Variants in SHCBP1 observed in about 807,000 individuals in gnomAD.
SHCBP1 encodes SHC SH2 domain-binding protein 1.
SHCBP1 carries 60 observed loss-of-function variants against 75.1 expected under a neutral mutation model. The ratio of observed to expected loss-of-function variants is 0.80; its 90% CI spans 0.65 to 0.99. SHCBP1 has a LOEUF of 0.99. Ranked by LOEUF, SHCBP1 falls within the 50% of genes least tolerant of loss-of-function variation. The probability of loss-of-function intolerance (pLI) is 0.00; values close to 1 mark genes in which losing one functional copy is unlikely to be tolerated. For synonymous variants in SHCBP1, 290 were observed against 293.2 expected, an observed-to-expected ratio of 0.99 and a Z score of 0.11; for missense variants, 709 against 809.4, an observed-to-expected ratio of 0.88 and a Z score of 1.50.
intron 4 of SHCBP1, among the ~76,000 whole-genome samples, chr16:46,610,985 G>A (rs969901725): frequency 2.0e-5 from 3 of 152,180 alleles, no homozygotes; most frequent in Non-Finnish European, 2.9e-5. Flanking sequence ...TCAAGAAGCA[G>A]GAAGAGCAGA....
chr16:46,601,343 A>G (rs1298583242), intron 8 of SHCBP1, among the ~76,000 whole-genome samples: 2 of 152,312 alleles, frequency 1.3e-5, no homozygotes, highest in East Asian at 1.9e-4. Context: ...TCAGATCTGT[A>G]TAAATCTTAC....
chr16:46,621,086 G>A (rs1282047463), intron 1 of SHCBP1, among the ~76,000 whole-genome samples, 171 bp downstream of exon 1: 1 of 152,208 alleles, frequency 6.6e-6, no homozygotes, highest in South Asian at 2.1e-4. Flanking sequence ...CCCACCCCTG[G>A]GTACCGCCCG....
intron 4 of SHCBP1, among the ~76,000 whole-genome samples, chr16:46,611,376 C>G (rs1965413811): frequency 6.6e-6 from 1 of 152,206 alleles, no homozygotes; most frequent in Admixed American, 6.5e-5. Context: ...GCTCAGTGAG[C>G]CCACTATGTT....
At chr16:46,584,217 A>G (rs1964918990) in intron 10 of SHCBP1, 128 bp from the exon 11 acceptor site, 1 of 570,882 alleles carries the variant, frequency 1.8e-6, no homozygotes, top group South Asian at 3.6e-5. Context: ...TACTTTACAG[A>G]TAAGTTTTAC....
At chr16:46,601,221 A>G (rs1253410038) in intron 8 of SHCBP1, among the ~76,000 whole-genome samples, 2 of 152,184 alleles carry the variant, frequency 1.3e-5, no homozygotes, top group East Asian at 3.9e-4. Context: ...AGCCAGGAGA[A>G]TCGCTTGAAC....
chr16:46,589,475 G>A (rs924708697), intron 10 of SHCBP1, among the ~76,000 whole-genome samples: 1 of 152,164 alleles, frequency 6.6e-6, no homozygotes, highest in Non-Finnish European at 1.5e-5. Context: ...CTTCAGCAAA[G>A]TCTCAGGATA....
intron 4 of SHCBP1, among the ~76,000 whole-genome samples, chr16:46,608,898 C>A (rs1371752204): frequency 6.6e-6 from 1 of 152,036 alleles, no homozygotes; most frequent in Non-Finnish European, 1.5e-5. Flanking sequence ...CGCGCCCAGC[C>A]AGGACTTTCT....
In SHCBP1 at chr16:46,616,443, TGAG is replaced by T. The variant is rs1231269529; in HGVS notation, c.388-292_388-290del. On this transcript the variant is annotated intron_variant, in intron 3 of 12. Coordinates refer to ENST00000303383, the MANE Select transcript of SHCBP1 (RefSeq NM_024745.5). The surrounding 1 kb of genome is among the most constrained non-coding windows in gnomAD (Gnocchi z 4.4). The stretch of plus-strand genomic sequence containing the variant: ...CAAGGAAGTCAGCTCTGAGCCAGGC[TGAG>T]GAGGATGAGAAGGAAGCGGCCATCT... Among the ~76,000 whole-genome samples the T allele has an allele frequency of 6.6e-6, 1 of 152,094 alleles. No individual in the cohort carries two copies. Among genetic ancestry groups the T allele is most frequent in the Non-Finnish European group, 1.5e-5 (1 of 68,004 alleles).
In SHCBP1 at chr16:46,581,293, G is replaced by A. The variant is rs538323876; in HGVS notation, c.*436C>T. 1 of 157,464 alleles carries A rather than the reference G, an allele frequency of 6.4e-6. No individual in the cohort carries two copies. Among genetic ancestry groups the A allele is most frequent in the African/African-American group, 2.4e-5 (1 of 41,674 alleles). 9.8% of individuals were successfully genotyped at this position (157,464 alleles called of 1,614,324 possible). A position where few individuals can be genotyped will look rare whatever the true frequency, so the allele number is the denominator to read the frequency against. On this transcript the variant is annotated 3_prime_UTR_variant, in exon 13 of 13. Coordinates refer to ENST00000303383, the MANE Select transcript of SHCBP1 (RefSeq NM_024745.5). ...TTAAGACAAGTATTATGCAAATACA[G>A]GATGGAAATCAGACTCACTGTAATT...
chr16:46,601,481 C>T (rs1965235821), intron 8 of SHCBP1, among the ~76,000 whole-genome samples: 1 of 152,158 alleles, frequency 6.6e-6, no homozygotes, highest in Non-Finnish European at 1.5e-5. Flanking sequence ...AGAAATAACT[C>T]TCATTGACTA....
intron 4 of SHCBP1, among the ~76,000 whole-genome samples, chr16:46,611,979 G>C (rs1044159242): frequency 6.6e-6 from 1 of 152,214 alleles, no homozygotes; most frequent in Admixed American, 6.5e-5. Flanking sequence ...AAATTCCTCA[G>C]GTGATTCCAA....
chr16:46,587,107 T>C (rs1964965613), intron 10 of SHCBP1, among the ~76,000 whole-genome samples: 1 of 152,162 alleles, frequency 6.6e-6, no homozygotes, highest in Non-Finnish European at 1.5e-5. Flanking sequence ...ACAAAAATCA[T>C]AAAATTCTCT....
chr16:46,610,507 C>T (rs1965394702), intron 4 of SHCBP1, among the ~76,000 whole-genome samples: 1 of 137,668 alleles, frequency 7.3e-6, no homozygotes, highest in African/African-American at 2.7e-5. Flanking sequence ...TAATTTCCCC[C>T]ACTCTAAATT....
Position 46,600,015 on chromosome 16 carries a change from C to G in SHCBP1, c.1214-53G>C, listed in dbSNP as rs560446268. On this transcript the variant is annotated intron_variant, in intron 8 of 12. Coordinates refer to ENST00000303383, the MANE Select transcript of SHCBP1 (RefSeq NM_024745.5). Reference sequence around the variant, plus strand: ...AGATGGGTGAGGAAAAACATCTAAACGTGAACACTGTAGAACAAGTTTCTC... The same window carrying G: ...AGATGGGTGAGGAAAAACATCTAAAGGTGAACACTGTAGAACAAGTTTCTC... 58 of 1,597,950 alleles carry G rather than the reference C, an allele frequency of 3.6e-5. No individual in the cohort carries two copies. The Middle Eastern group carries it at 1.0e-3, about 27-fold the overall frequency.
At chr16:46,586,259 A>C (rs1287109165) in intron 10 of SHCBP1, among the ~76,000 whole-genome samples, 1 of 152,232 alleles carries the variant, frequency 6.6e-6, no homozygotes, top group Admixed American at 6.5e-5. Context: ...AAGTCTCAGC[A>C]AAGAAGTAGA....
chr16:46,606,881 T>C (rs1036394453), intron 5 of SHCBP1, among the ~76,000 whole-genome samples: 2 of 151,694 alleles, frequency 1.3e-5, no homozygotes, highest in Non-Finnish European at 2.9e-5. Flanking sequence ...AGTGCAGTGG[T>C]TCAATCACAG....
intron 5 of SHCBP1, among the ~76,000 whole-genome samples, chr16:46,605,650 T>G (rs1596683420): frequency 2.0e-5 from 3 of 152,134 alleles, no homozygotes; most frequent in African/African-American, 4.8e-5. Context: ...ACCAATTAAA[T>G]GGGTCTCTGG....
Position 46,621,243 on chromosome 16 carries a change from C to G in SHCBP1, c.103+14G>C, listed in dbSNP as rs1965585358. 3.7e-6 allele frequency: 6 copies of G among 1,601,856 alleles called. No homozygotes were observed. The highest frequency in any genetic ancestry group is 1.7e-4 in the Middle Eastern group (1 of 5,994). ...CTCAGAGGCGGCTCCTCGGCCCCGG[C>G]ATGGAGAGCTCACCTTTCTCCAGAG... is the stretch of plus-strand genomic sequence containing the variant. On this transcript the variant is annotated intron_variant, in intron 1 of 12. Coordinates refer to ENST00000303383, the MANE Select transcript of SHCBP1 (RefSeq NM_024745.5).
At position 46,608,522 on chromosome 16, in the gene SHCBP1, A is replaced by T. The variant is rs557299553; in HGVS notation, c.597-133T>A. On this transcript the variant is annotated intron_variant, in intron 4 of 12. Coordinates refer to ENST00000303383, the MANE Select transcript of SHCBP1 (RefSeq NM_024745.5). ...GAATGCTGCATATTTGCTATGGTTGATAGTCATGAGTCACACAACATAGAG... is the reference window on the plus strand; with the variant it reads ...GAATGCTGCATATTTGCTATGGTTGTTAGTCATGAGTCACACAACATAGAG... 9.8e-5 allele frequency: 61 copies of T among 623,340 alleles called. No individual in the cohort carries two copies. In the African/African-American group the frequency reaches 1.1e-3, roughly 11 times the overall value. The allele number at this position is 623,340 out of a possible 1,614,324, so 38.6% of individuals were successfully genotyped here. A position where few individuals can be genotyped will look rare whatever the true frequency, so the allele number is the denominator to read the frequency against.
Sources: allele counts gnomAD v4.1 joint callset (sites outside exome capture counted in the v4.1 genomes callset), GRCh38; gene constraint gnomAD v4.1.1; non-coding constraint Gnocchi (gnomAD v3.1); transcripts MANE v1.5; gene names NCBI Gene and HGNC (gene_info 2026-07-23, HGNC 2026-07-21).